MEIS1: variants seen among roughly 807,000 people sequenced by gnomAD.
MEIS1 encodes the protein Meis homeobox 1.
In MEIS1, 5 loss-of-function variants were observed where a neutral mutation model predicts 50.8. That is an observed-to-expected ratio of 0.10 (90% CI 0.05 to 0.21). The LOEUF (loss-of-function observed/expected upper bound fraction) is 0.21. MEIS1 is among the 10% of genes least tolerant of loss of function. The pLI is 1.00. For missense variants in MEIS1, 318 were observed against 517.3 expected (o/e 0.61, Z 3.74); for synonymous variants, 176 against 179.3 (o/e 0.98, Z 0.15).
chr2:66,441,120 T>C, intron 4 of MEIS1: 2 of 407,954 alleles, frequency 4.9e-6, no homozygotes, highest in African/African-American at 2.1e-5. Flanking sequence ...GTTGTGGCCC[T>C]TTTGGGGTGG....
chr2:66,569,053 C>A lies in MEIS1; in HGVS notation c.1118C>A (p.Pro373His). 1.9e-6 allele frequency: 3 copies of A among 1,613,584 alleles called. No individual in the cohort carries two copies. The highest frequency in any genetic ancestry group is 1.7e-4 in the Middle Eastern group (1 of 6,058). ...TGGATTTTTATCTCCCTTCTAGGAC[C>A]TATGAGTGGAATGGGCATGAATATG... ...QQHMGIRAPGPMSGMGMNMGM... is the reference protein window; with the variant it reads ...QQHMGIRAPGHMSGMGMNMGM... The change falls in exon 12 of 13, where the codon CCT becomes CAT. Residue 373 changes from proline (P) to histidine (H), a missense_variant. Transcript: ENST00000272369.
chr2:66,485,910 T>C (rs1481281360), intron 7 of MEIS1, among the ~76,000 whole-genome samples: 2 of 152,248 alleles, frequency 1.3e-5, no homozygotes, highest in African/African-American at 4.8e-5. Flanking sequence ...TTGAAAAGTG[T>C]CTGTTCATAT....
chr2:66,494,936 G>C (rs1673361250), intron 7 of MEIS1, among the ~76,000 whole-genome samples: 1 of 152,114 alleles, frequency 6.6e-6, no homozygotes, highest in Non-Finnish European at 1.5e-5. Flanking sequence ...ACGAGAAATA[G>C]TGGCCCGGTG....
intron 7 of MEIS1, among the ~76,000 whole-genome samples, chr2:66,506,933 G>A (rs1167319348): frequency 1.3e-5 from 2 of 152,150 alleles, no homozygotes; most frequent in Non-Finnish European, 2.9e-5. Context: ...CCATATTGAT[G>A]GGGTGTTTGT....
chr2:66,509,095 A>G, intron 7 of MEIS1: 1 of 470,672 alleles, frequency 2.1e-6, no homozygotes, highest in Non-Finnish European at 4.4e-6. Flanking sequence ...TGACTATATC[A>G]AATTGCGGAG....
At position 66,494,951 on chromosome 2, in the gene MEIS1, G is replaced by A. The variant is rs546328546; in HGVS notation, c.743-17198G>A. On this transcript the variant is annotated intron_variant, in intron 7 of 12. Transcript: ENST00000272369. ...ACGAGAAATAGTGGCCCGGTGTTGC[G>A]AAATTACTGTTTGACCATCTGGAAA... 2.0e-5 allele frequency among the ~76,000 whole-genome samples: 3 copies of A among 152,124 alleles called. No individual in the cohort carries two copies. In the South Asian group the frequency reaches 6.2e-4, roughly 32 times the overall value.
chr2:66,438,914 G>T (rs188820086), intron 2 of MEIS1, among the ~76,000 whole-genome samples: 14 of 151,936 alleles, frequency 9.2e-5, no homozygotes, highest in Non-Finnish European at 1.6e-4. Flanking sequence ...CGTTCTGTCC[G>T]CAGAGTTAAC....
At chr2:66,468,434 A>T (rs1672691074) in intron 7 of MEIS1, among the ~76,000 whole-genome samples, 1 of 152,216 alleles carries the variant, frequency 6.6e-6, no homozygotes, top group Admixed American at 6.5e-5. Flanking sequence ...AAGAGAGCTA[A>T]ATAAATGATG....
intron 8 of MEIS1, among the ~76,000 whole-genome samples, chr2:66,541,623 C>CA (rs1466403857): frequency 6.6e-6 from 1 of 152,060 alleles, no homozygotes; most frequent in Non-Finnish European, 1.5e-5. Flanking sequence ...AAACGCTAAA[C>CA]AAAAAATGGA....
chr2:66,473,002 CAAAT>C (rs1222335498), intron 7 of MEIS1, among the ~76,000 whole-genome samples: 2 of 152,068 alleles, frequency 1.3e-5, no homozygotes, highest in Admixed American at 6.5e-5. Flanking sequence ...ATTAATGTAT[CAAAT>C]AAAACCCACA....
chr2:66,530,643 G>C (rs1418924988), intron 8 of MEIS1, among the ~76,000 whole-genome samples: 1 of 152,086 alleles, frequency 6.6e-6, no homozygotes, highest in Admixed American at 6.5e-5. Flanking sequence ...GTGAACCTGG[G>C]AGGCGGAGCT....
At chr2:66,472,223 T>A (rs1322852708) in intron 7 of MEIS1, among the ~76,000 whole-genome samples, 1 of 152,188 alleles carries the variant, frequency 6.6e-6, no homozygotes, top group Admixed American at 6.5e-5. Flanking sequence ...ATTCATTGTT[T>A]CAGGTGGTAG....
intron 3 of MEIS1, chr2:66,440,339 A>G: frequency 3.3e-6 from 2 of 605,228 alleles, no homozygotes; most frequent in East Asian, 2.8e-5. Context: ...CGTAGTTGCT[A>G]GTAGAAGTAA....
rs114584474 is a variant in MEIS1, at chr2:66,476,756, C to T, written c.742+12536C>T. ...GAGTGCAGATGCAGGTCCTTCTCCA[C>T]ACAGTGCTCCAGCAACCACTACCTC... On this transcript the variant is annotated intron_variant, in intron 7 of 12. Transcript: ENST00000272369. 8.2e-3 allele frequency among the ~76,000 whole-genome samples: 1,253 copies of T among 152,294 alleles called. 20 individuals are homozygous for T. Among genetic ancestry groups the T allele is most frequent in the African/African-American group, 0.028 (1,157 of 41,552 alleles).
At chr2:66,440,081 A>C in intron 3 of MEIS1, 97 bp downstream of exon 3, 3 of 1,085,706 alleles carry the variant, frequency 2.8e-6, no homozygotes, top group Non-Finnish European at 3.9e-6. Flanking sequence ...ACACACACAC[A>C]CACACACACA....
At chr2:66,476,530 G>C (rs912087845) in intron 7 of MEIS1, among the ~76,000 whole-genome samples, 2 of 152,184 alleles carry the variant, frequency 1.3e-5, no homozygotes, top group African/African-American at 4.8e-5. Flanking sequence ...CTGACAGTCT[G>C]GTGGAGGAAC....
intron 9 of MEIS1, among the ~76,000 whole-genome samples, chr2:66,558,198 G>C (rs997738466): frequency 2.3e-5 from 3 of 130,612 alleles, no homozygotes; most frequent in Non-Finnish European, 4.7e-5. Flanking sequence ...AGAATCGCTT[G>C]AACGCATAAG....
chr2:66,506,951 G>A (rs1029538296), intron 7 of MEIS1, among the ~76,000 whole-genome samples: 2 of 152,132 alleles, frequency 1.3e-5, no homozygotes, highest in Admixed American at 1.3e-4. Flanking sequence ...TGTGTCAGCA[G>A]CCACTAGCAA....
chr2:66,524,460 G>C (rs1052981503), intron 8 of MEIS1, among the ~76,000 whole-genome samples: 3 of 152,104 alleles, frequency 2.0e-5, no homozygotes, highest in Admixed American at 1.3e-4. Context: ...TACTTGGGAG[G>C]AGGTGGGAGG....
Sources: gnomAD v4.1 joint callset for allele counts (sites outside exome capture counted in the v4.1 genomes callset) on GRCh38, gnomAD v4.1.1 for gene constraint, MANE v1.5 for transcripts, NCBI Gene and HGNC (gene_info 2026-07-23, HGNC 2026-07-21) for gene names.